The following DUSP14 variants were observed in gnomAD, a reference collection of about 807,000 sequenced individuals.
The protein encoded by DUSP14 is dual specificity phosphatase 14.
A neutral mutation model predicts 13.2 loss-of-function variants in DUSP14; 5 were observed. The observed-to-expected ratio is 0.38, with a 90% CI of 0.20 to 0.80. DUSP14 has a LOEUF of 0.80. Ranked by LOEUF, DUSP14 falls within the 30% of genes least tolerant of loss-of-function variation. DUSP14 has a pLI of 0.44. For missense variants in DUSP14, 185 were observed against 264.0 expected (o/e 0.70, Z 2.07); for synonymous variants, 91 against 103.4 (o/e 0.88, Z 0.73).
chr17:37,499,654 C>T (rs11263751), intron 1 of DUSP14, among the ~76,000 whole-genome samples: 39,674 of 152,004 alleles, frequency 0.26, 5,438 homozygotes, highest in Admixed American at 0.41. Context: ...CTCAGCCTCC[C>T]GAGTAGCTGG....
At chr17:37,490,455 G>T (rs2054020048) in intron 1 of DUSP14, among the ~76,000 whole-genome samples, 2 of 152,332 alleles carry the variant, frequency 1.3e-5, no homozygotes, top group Non-Finnish European at 2.9e-5. Flanking sequence ...CTCTGCGGTG[G>T]TAGATGGGTG....
intron 1 of DUSP14, among the ~76,000 whole-genome samples, chr17:37,507,073 T>G (rs2054142953): frequency 6.6e-6 from 1 of 152,194 alleles, no homozygotes; most frequent in African/African-American, 2.4e-5. Flanking sequence ...TTCCATCTTT[T>G]CCTAGTTTCA....
chr17:37,506,710 C>T (rs992231106), intron 1 of DUSP14, among the ~76,000 whole-genome samples: 19 of 152,128 alleles, frequency 1.2e-4, no homozygotes, highest in Admixed American at 1.0e-3. Context: ...CTGATCTGAT[C>T]TGAGAACTGG....
chr17:37,509,290 TATATATA>T lies in DUSP14; in HGVS notation c.-180-1386_-180-1380del, dbSNP rs1350316837. ...ATATATATATATATATATATATATA[TATATATA>T]GTGTGTGTGTGTGTGTGTGTGTGTG... On this transcript the variant is annotated intron_variant, in intron 1 of 2. Transcript: ENST00000617516. Among the ~76,000 whole-genome samples, 123 of 25,046 alleles carry T rather than the reference TATATATA, an allele frequency of 4.9e-3. 1 individual carries two copies. Among genetic ancestry groups the T allele is most frequent in the Non-Finnish European group, 5.7e-3 (75 of 13,162 alleles). The allele number at this position is 25,046 out of a possible 152,430, so 16.4% of individuals were successfully genotyped here.
rs111548634 is a variant in DUSP14, at chr17:37,490,320, C to G, written c.-181+362C>G. Among the ~76,000 whole-genome samples, 839 of 152,282 alleles carry G rather than the reference C, an allele frequency of 5.5e-3. 5 individuals carry two copies. Among genetic ancestry groups the G allele is most frequent in the African/African-American group, 0.017 (721 of 41,570 alleles). ...CGCCTTCCGACCCCGCTGAGGCCGC[C>G]TACTCTCGCTGGCATCCACCCGCTC... is the stretch of plus-strand genomic sequence containing the variant. On this transcript the variant is annotated intron_variant, in intron 1 of 2. Transcript: ENST00000617516.
At chr17:37,505,047 A>G (rs564862513) in intron 1 of DUSP14, among the ~76,000 whole-genome samples, 2 of 152,194 alleles carry the variant, frequency 1.3e-5, no homozygotes, top group African/African-American at 2.4e-5. Context: ...GCACACCACT[A>G]TGCCTGGCTG....
At chr17:37,496,442 C>G (rs1013507762) in intron 1 of DUSP14, among the ~76,000 whole-genome samples, 2 of 151,654 alleles carry the variant, frequency 1.3e-5, no homozygotes, top group Non-Finnish European at 2.9e-5. Context: ...AACCCCATCT[C>G]TTATAAAAAT....
intron 1 of DUSP14, among the ~76,000 whole-genome samples, chr17:37,494,426 G>A (rs2054050363): frequency 6.6e-6 from 1 of 152,142 alleles, no homozygotes; most frequent in South Asian, 2.1e-4. Flanking sequence ...GGCTCAGGCT[G>A]GCCTTGAACT....
intron 1 of DUSP14, among the ~76,000 whole-genome samples, chr17:37,502,317 G>C (rs1255855640): frequency 1.3e-5 from 2 of 151,594 alleles, no homozygotes; most frequent in East Asian, 3.9e-4. Context: ...ATGTAGCTGG[G>C]ACCACAGGTG....
chr17:37,495,569 A>G (rs2054058125), intron 1 of DUSP14, among the ~76,000 whole-genome samples: 1 of 152,136 alleles, frequency 6.6e-6, no homozygotes. Context: ...ACTAGTAAAC[A>G]TTATGTGGCA....
intron 2 of DUSP14, among the ~76,000 whole-genome samples, chr17:37,511,674 A>G (rs1597975553): frequency 7.2e-6 from 1 of 139,376 alleles, no homozygotes; most frequent in Non-Finnish European, 1.5e-5. Context: ...TGCAGCCTCG[A>G]CCTCCCAGGC....
intron 1 of DUSP14, among the ~76,000 whole-genome samples, chr17:37,509,137 A>ATATATATATATATATATATG (rs1568204463): frequency 2.2e-5 from 1 of 46,442 alleles, no homozygotes; most frequent in African/African-American, 1.1e-4. Flanking sequence ...ATACACACAC[A>ATATATATATATATATATATG]CACACACACA....
intron 1 of DUSP14, among the ~76,000 whole-genome samples, chr17:37,509,270 TATATATATATATATATATATATATATA>T (rs1370660074): frequency 0.18 from 4,379 of 24,530 alleles, 292 homozygotes; most frequent in Non-Finnish European, 0.2. Flanking sequence ...TATATATATA[TATATATATATATATATATATATATATA>T]GTGTGTGTGT....
At chr17:37,493,543 G>A (rs1442732896) in intron 1 of DUSP14, among the ~76,000 whole-genome samples, 3 of 152,218 alleles carry the variant, frequency 2.0e-5, no homozygotes, top group Non-Finnish European at 2.9e-5. Flanking sequence ...TGGGTAGTCC[G>A]ATCCCTGGCC....
intron 1 of DUSP14, among the ~76,000 whole-genome samples, chr17:37,492,890 T>G (rs981302071): frequency 1.2e-4 from 19 of 152,180 alleles, no homozygotes; most frequent in African/African-American, 4.6e-4. Context: ...TTTTATCCCC[T>G]AAATATAAAT....
chr17:37,496,915 C>CA (rs71135730), intron 1 of DUSP14, among the ~76,000 whole-genome samples: 404 of 98,472 alleles, frequency 4.1e-3, no homozygotes, highest in South Asian at 8.8e-3. Flanking sequence ...GACTCTGTCT[C>CA]AAAAAAAAAA....
chr17:37,505,928 T>G (rs752497310), intron 1 of DUSP14, among the ~76,000 whole-genome samples: 1 of 152,170 alleles, frequency 6.6e-6, no homozygotes, highest in Non-Finnish European at 1.5e-5. Context: ...TGTTCGATGC[T>G]TATTATCCAA....
In DUSP14 at chr17:37,496,466, G is replaced by C. The variant is rs542930791; in HGVS notation, c.-181+6508G>C. ...TCTTATAAAAATGTAAAAATTAGCC[G>C]GGTGTTAGGCCGGGCACGGTAGCTC... is the stretch of plus-strand genomic sequence containing the variant. On this transcript the variant is annotated intron_variant, in intron 1 of 2. Transcript: ENST00000617516. Among the ~76,000 whole-genome samples, 259 of 151,978 alleles carry C rather than the reference G, an allele frequency of 1.7e-3. 2 individuals are homozygous for C. The highest frequency in any genetic ancestry group is 3.2e-3 in the Admixed American group (49 of 15,254).
intron 1 of DUSP14, among the ~76,000 whole-genome samples, chr17:37,501,398 A>G (rs2054104422): frequency 6.6e-6 from 1 of 152,160 alleles, no homozygotes; most frequent in Non-Finnish European, 1.5e-5. Flanking sequence ...ATTTCTTTCA[A>G]GCCTCCAGGT....
Sources: gnomAD v4.1 joint callset for allele counts (sites outside exome capture counted in the v4.1 genomes callset) on GRCh38, gnomAD v4.1.1 for gene constraint, MANE v1.5 for transcripts, NCBI Gene and HGNC (gene_info 2026-07-23, HGNC 2026-07-21) for gene names.